The following SBK1 variants were observed in gnomAD, a reference collection of about 807,000 sequenced individuals.
The protein encoded by SBK1 is SH3 domain binding kinase 1.
A neutral mutation model predicts 24.4 loss-of-function variants in SBK1; 11 were observed. The ratio of observed to expected loss-of-function variants is 0.45; its 90% CI spans 0.28 to 0.75. SBK1 has a LOEUF of 0.75. Among genes scored for constraint, SBK1 ranks in the 30% least tolerant of loss-of-function variants. The pLI is 0.12. For missense variants in SBK1, 467 were observed against 620.5 expected (o/e 0.75, Z 2.63); for synonymous variants, 308 against 284.4 (o/e 1.08, Z -0.83).
At chr16:28,282,148 A>G (rs930495553) in intron 1 of SBK1, among the ~76,000 whole-genome samples, 2 of 151,996 alleles carry the variant, frequency 1.3e-5, no homozygotes, top group African/African-American at 4.8e-5. Context: ...ATTTGGAGGG[A>G]GGGGCTTAGT....
At position 28,287,286 on chromosome 16, in the gene SBK1, C is replaced by CA. The variant is rs56232453; in HGVS notation, c.257+27797dup. ...TGAAACCCCATCTCTACTAAAAATACAAAAAAAAAAAAATTAGCTGGGCAT... is the reference window on the plus strand; with the variant it reads ...TGAAACCCCATCTCTACTAAAAATACAAAAAAAAAAAAAATTAGCTGGGCAT... On this transcript the variant is annotated intron_variant, in intron 1 of 3. Transcript: ENST00000671413. Among the ~76,000 whole-genome samples the CA allele has an allele frequency of 3.4e-3, 425 of 124,862 alleles. 5 individuals carry two copies. The highest frequency in any genetic ancestry group is 6.6e-3 in the African/African-American group (218 of 32,820). 81.9% of individuals were successfully genotyped at this position (124,862 alleles called of 152,430 possible).
In SBK1 at chr16:28,315,572, A is replaced by G. The variant is rs957404539; in HGVS notation, c.-7-1813A>G. 9.2e-5 allele frequency among the ~76,000 whole-genome samples: 14 copies of G among 152,128 alleles called. No homozygotes were observed. The East Asian group carries it at 2.7e-3, about 30-fold the overall frequency. On this transcript the variant is annotated intron_variant, in intron 1 of 3. Transcript: ENST00000341901. ...TCTCAGGAGTTCGAGACCAGCCTGG[A>G]AAACATAGCAAGACCCCATCTCTCC...
intron 1 of SBK1, among the ~76,000 whole-genome samples, chr16:28,315,059 G>A (rs12448898): frequency 0.55 from 84,017 of 152,030 alleles, 25,623 homozygotes; most frequent in South Asian, 0.76. Context: ...TCAGGGGCTG[G>A]AGGCTGGTGG....
rs2044614711 is a variant in SBK1, at chr16:28,293,244, G to A, written c.-64G>A. On this transcript the variant is annotated 5_prime_UTR_variant, in exon 1 of 4. Transcript: ENST00000341901. ...CCTGAGCCCCCGGGGCCGGGCAGAC[G>A]AAGACCGCGACGGCGCCCAGGCCCC... is the stretch of plus-strand genomic sequence containing the variant. 1 of 985,434 alleles carries A rather than the reference G, an allele frequency of 1.0e-6. No individual in the cohort carries two copies. The highest frequency in any genetic ancestry group is 4.7e-5 in the South Asian group (1 of 21,290). The allele number at this position is 985,434 out of a possible 1,614,324, so 61.0% of individuals were successfully genotyped here.
In SBK1 at chr16:28,321,168, G is replaced by T; in HGVS notation, c.*247G>T. The stretch of plus-strand genomic sequence containing the variant: ...CCAAGCCGCACAGACCCGAGAATTC[G>T]GAGGCCACCACACAACACACACACA... On this transcript the variant is annotated 3_prime_UTR_variant, in exon 4 of 4. Transcript: ENST00000341901. 8 of 292,050 alleles carry T rather than the reference G, an allele frequency of 2.7e-5. No individual in the cohort carries two copies. Among genetic ancestry groups the T allele is most frequent in the Non-Finnish European group, 3.7e-5 (6 of 160,470 alleles). 18.1% of individuals were successfully genotyped at this position (292,050 alleles called of 1,614,324 possible). A position where few individuals can be genotyped will look rare whatever the true frequency, so the allele number is the denominator to read the frequency against.
At chr16:28,280,213 G>A (rs1444846483) in intron 1 of SBK1, among the ~76,000 whole-genome samples, 2 of 118,546 alleles carry the variant, frequency 1.7e-5, no homozygotes, top group Non-Finnish European at 3.5e-5. Context: ...GTATATATAC[G>A]TATACGCATA....
intron 1 of SBK1, among the ~76,000 whole-genome samples, chr16:28,284,462 T>G (rs566888850): frequency 6.6e-6 from 1 of 152,320 alleles, no homozygotes; most frequent in African/African-American, 2.4e-5. Context: ...CAGATCCTTG[T>G]TGCATAGCTT....
intron 1 of SBK1, among the ~76,000 whole-genome samples, chr16:28,261,428 T>TAC (rs35296302): frequency 0.042 from 5,204 of 124,512 alleles, 150 homozygotes; most frequent in East Asian, 0.086. Context: ...GACTCCCGTC[T>TAC]ACACACACAC....
At chr16:28,260,861 C>G (rs1416312042) in intron 1 of SBK1, among the ~76,000 whole-genome samples, 3 of 152,164 alleles carry the variant, frequency 2.0e-5, no homozygotes, top group Non-Finnish European at 4.4e-5. Context: ...GGAGGCAAAA[C>G]AGACCACCTC....
At chr16:28,262,312 G>A (rs1161128648) in intron 1 of SBK1, among the ~76,000 whole-genome samples, 2 of 152,196 alleles carry the variant, frequency 1.3e-5, no homozygotes, top group Non-Finnish European at 2.9e-5. Flanking sequence ...TGGCTGCCAC[G>A]TTTAGCAGCC....
At chr16:28,294,332 A>C (rs2044623677) in intron 1 of SBK1, among the ~76,000 whole-genome samples, 1 of 152,154 alleles carries the variant, frequency 6.6e-6, no homozygotes, top group African/African-American at 2.4e-5. Flanking sequence ...AGTTCCTCTC[A>C]TCTCTTCTCT....
rs1421248719 is a variant in SBK1, at chr16:28,319,511, GGGAAGGGGCCCTCAGA to G, written c.429+320_429+335del. On this transcript the variant is annotated intron_variant, in intron 3 of 3. Transcript: ENST00000341901. The surrounding 1 kb of genome is among the most constrained non-coding windows in gnomAD (Gnocchi z 4.0). ...AAGAGGAGAGGTGTCAGATCCACCTGGGAAGGGGCCCTCAGAGGAAGCGACCCTGGAACCGGGACGG... is the reference window on the plus strand; with the variant it reads ...AAGAGGAGAGGTGTCAGATCCACCTGGGAAGCGACCCTGGAACCGGGACGG... Among the ~76,000 whole-genome samples, 5 of 152,158 alleles carry G rather than the reference GGGAAGGGGCCCTCAGA, an allele frequency of 3.3e-5. No individual in the cohort carries two copies. The highest frequency in any genetic ancestry group is 1.2e-4 in the African/African-American group (5 of 41,426).
Position 28,292,547 on chromosome 16 carries a change from C to A in SBK1, c.-761C>A. 1.0e-6 allele frequency: 1 copy of A among 976,198 alleles called. No homozygotes were observed. Among genetic ancestry groups the A allele is most frequent in the South Asian group, 4.7e-5 (1 of 21,196 alleles). The allele number at this position is 976,198 out of a possible 1,614,324, so 60.5% of individuals were successfully genotyped here. A position where few individuals can be genotyped will look rare whatever the true frequency, so the allele number is the denominator to read the frequency against. On this transcript the variant is annotated 5_prime_UTR_variant, in exon 1 of 4. Coordinates refer to ENST00000341901, the MANE Select transcript of SBK1 (RefSeq NM_001024401.3). ...CGCGATGCCGCGATGGAGCGCAGCC[C>A]GGGCGGGCGCCGGGGCCGGGGCCCG...
At chr16:28,309,761 C>T (rs2044741364) in intron 1 of SBK1, among the ~76,000 whole-genome samples, 1 of 151,976 alleles carries the variant, frequency 6.6e-6, no homozygotes, top group Non-Finnish European at 1.5e-5. Flanking sequence ...AGGAAGCACC[C>T]CCCCTTCTCA....
At chr16:28,283,589 C>T (rs1247465055) in intron 1 of SBK1, among the ~76,000 whole-genome samples, 1 of 152,162 alleles carries the variant, frequency 6.6e-6, no homozygotes, top group Admixed American at 6.6e-5. Flanking sequence ...GGGTGTTATA[C>T]ACTGATCAGT....
At chr16:28,264,918 C>T (rs752583307) in intron 1 of SBK1, among the ~76,000 whole-genome samples, 4 of 151,874 alleles carry the variant, frequency 2.6e-5, no homozygotes, top group African/African-American at 7.3e-5. Flanking sequence ...AAGGAAGTGT[C>T]GCGAGGAGAG....
chr16:28,285,580 A>G (rs1357867714), intron 1 of SBK1: 1 of 152,240 alleles, frequency 6.6e-6, no homozygotes, highest in Non-Finnish European at 1.5e-5. Flanking sequence ...AGGATAACAG[A>G]TAAAGATGAA....
Position 28,317,056 on chromosome 16 carries a change from G to A in SBK1, c.-7-329G>A, listed in dbSNP as rs1004414735. On this transcript the variant is annotated intron_variant, in intron 1 of 3. Transcript: ENST00000341901. This position sits in a 1 kb window ranked among gnomAD's most constrained non-coding sequence, Gnocchi z 4.2. Reference sequence around the variant, plus strand: ...CCAACGCTTCTGAATGGGAGTACCCGTGTGAACTCGGTATCTGGCTGTGTC... The same window carrying A: ...CCAACGCTTCTGAATGGGAGTACCCATGTGAACTCGGTATCTGGCTGTGTC... Among the ~76,000 whole-genome samples, 17 of 152,334 alleles carry A rather than the reference G, an allele frequency of 1.1e-4. No homozygotes were observed. The highest frequency in any genetic ancestry group is 3.8e-4 in the African/African-American group (16 of 41,568).
chr16:28,259,333 C>T lies in SBK1; in HGVS notation c.88C>T (p.Gln30Ter), dbSNP rs757739302. 5 of 414,314 alleles carry T rather than the reference C, an allele frequency of 1.2e-5. No homozygotes were observed. The highest frequency in any genetic ancestry group is 1.6e-5 in the Non-Finnish European group (5 of 308,248). 25.7% of individuals were successfully genotyped at this position (414,314 alleles called of 1,614,324 possible). The change falls in exon 1 of 4, where the codon CAG becomes TAG. Residue 30 changes from glutamine to a stop codon, truncating the protein, a stop_gained. Coordinates refer to the SBK1 transcript ENST00000671413. LOFTEE classifies it high-confidence loss of function. The surrounding 1 kb of genome is among the most constrained non-coding windows in gnomAD (Gnocchi z 6.0). ...GCGCCCTGGCTCGGGGACTCCTGCC[C>T]AGGCTGGCGATGATGCTGCGGAGGC...
Sources: allele counts gnomAD v4.1 joint callset (sites outside exome capture counted in the v4.1 genomes callset), GRCh38; gene constraint gnomAD v4.1.1; non-coding constraint Gnocchi (gnomAD v3.1); transcripts MANE v1.5; gene names NCBI Gene and HGNC (gene_info 2026-07-23, HGNC 2026-07-21).